Variants in TSPAN3 observed in about 807,000 individuals in gnomAD.
TSPAN3 encodes the protein tetraspanin-3.
Under a neutral mutation model 31.1 loss-of-function variants are expected in TSPAN3, and 9 were observed. That is an observed-to-expected ratio of 0.29 (90% CI 0.17 to 0.50). The LOEUF (loss-of-function observed/expected upper bound fraction) is 0.50, where lower values mean the gene tolerates loss of function less well. Ranked by LOEUF, TSPAN3 falls within the 20% of genes least tolerant of loss-of-function variation. The pLI is 0.98. For missense variants in TSPAN3, 252 were observed against 313.5 expected, an observed-to-expected ratio of 0.80 and a Z score of 1.48; for synonymous variants, 129 against 114.3, an observed-to-expected ratio of 1.13 and a Z score of -0.82.
At chr15:77,057,208 A>G (rs1009721500) in intron 1 of TSPAN3, among the ~76,000 whole-genome samples, 1 of 152,248 alleles carries the variant, frequency 6.6e-6, no homozygotes, top group Admixed American at 6.5e-5. Flanking sequence ...TATACAAACA[A>G]GCAAATGCAG....
rs1166697221 is a variant in TSPAN3 at position 77,046,523 on chromosome 15, T to C, written c.*312A>G. 1 of 454,358 alleles carries C rather than the reference T, an allele frequency of 2.2e-6. No individual in the cohort carries two copies. The highest frequency in any genetic ancestry group is 3.8e-5 in the Admixed American group (1 of 26,222). 28.1% of individuals were successfully genotyped at this position (454,358 alleles called of 1,614,324 possible). ...TTTCGGCATCAGTCCTGTTACCACTTGGAGGTAACAGAAGCAGGCTCGTGT... is the reference window on the plus strand; with the variant it reads ...TTTCGGCATCAGTCCTGTTACCACTCGGAGGTAACAGAAGCAGGCTCGTGT... On this transcript the variant is annotated 3_prime_UTR_variant, in exon 7 of 7. Transcript: ENST00000267970.
At chr15:77,047,026 G>T in intron 6 of TSPAN3, 99 bp from the exon 7 acceptor site, 1 of 893,292 alleles carries the variant, frequency 1.1e-6, no homozygotes, top group Non-Finnish European at 1.7e-6. Context: ...AAAGTTCAAT[G>T]ACTTCAAATC....
chr15:77,058,233 GC>G (rs1358764518), intron 1 of TSPAN3, among the ~76,000 whole-genome samples: 3 of 152,144 alleles, frequency 2.0e-5, no homozygotes, highest in African/African-American at 7.2e-5. Context: ...TCAAGCCATA[GC>G]CTTACTTAAA....
Position 77,051,230 on chromosome 15 carries a change from A to AGCCT in TSPAN3, c.669+1154_669+1155insAGGC, listed in dbSNP as rs1424224290. Among the ~76,000 whole-genome samples, 6 of 152,226 alleles carry AGCCT rather than the reference A, an allele frequency of 3.9e-5. No individual in the cohort carries two copies. The East Asian group carries it at 9.7e-4, about 25-fold the overall frequency. ...GCTCTTGAAATAGGTTTCAGGCTTA[A>AGCCT]GAAAGCATAAGCTGAGGCTGGGCGC... On this transcript the variant is annotated intron_variant, in intron 6 of 6. Coordinates refer to ENST00000267970, the MANE Select transcript of TSPAN3 (RefSeq NM_005724.6).
At chr15:77,070,133 A>G (rs995772814) in intron 1 of TSPAN3, 1 of 152,242 alleles carries the variant, frequency 6.6e-6, no homozygotes, top group Non-Finnish European at 1.5e-5. Context: ...ACCCAAACTA[A>G]GATGACATAA....
At chr15:77,063,647 A>C (rs914949585) in intron 1 of TSPAN3, 1 of 152,198 alleles carries the variant, frequency 6.6e-6, no homozygotes, top group Admixed American at 6.5e-5. Flanking sequence ...ATGCTCCTCA[A>C]TTCTGCCTTA....
chr15:77,071,014 G>T lies in TSPAN3; in HGVS notation c.-60C>A. On this transcript the variant is annotated 5_prime_UTR_variant, in exon 1 of 7. Coordinates refer to ENST00000267970, the MANE Select transcript of TSPAN3 (RefSeq NM_005724.6). ...GCGGGGCTGCGCTCACCGAGAGAGC[G>T]GCAATGGCGGCGGCGCCTCCTCGCT... 8.0e-7 allele frequency: 1 copy of T among 1,245,380 alleles called. No individual in the cohort carries two copies. The allele number at this position is 1,245,380 out of a possible 1,614,324, so 77.1% of individuals were successfully genotyped here.
intron 6 of TSPAN3, among the ~76,000 whole-genome samples, chr15:77,050,394 A>C (rs1478748605): frequency 6.6e-6 from 1 of 152,196 alleles, no homozygotes; most frequent in Non-Finnish European, 1.5e-5. Context: ...GCTTTTACTT[A>C]AGTCAGGGTG....
intron 1 of TSPAN3, among the ~76,000 whole-genome samples, chr15:77,068,621 GCTTACTAGCTGACAA>G: frequency 6.6e-6 from 1 of 152,274 alleles, no homozygotes; most frequent in Non-Finnish European, 1.5e-5. Flanking sequence ...CTCTTAGGTA[GCTTACTAGCTGACAA>G]CGTGTTTCTC....
intron 1 of TSPAN3, among the ~76,000 whole-genome samples, chr15:77,062,178 G>A (rs1460343711): frequency 7.2e-5 from 11 of 152,230 alleles, no homozygotes; most frequent in Admixed American, 3.9e-4. Flanking sequence ...GGGAAGAATC[G>A]TTGGTAATTC....
intron 4 of TSPAN3, among the ~76,000 whole-genome samples, chr15:77,053,528 T>C (rs1456869940): frequency 7.0e-6 from 1 of 143,858 alleles, no homozygotes; most frequent in African/African-American, 2.6e-5. Context: ...AAGCGGTAGT[T>C]TCTAACTAAG....
At chr15:77,068,294 A>T (rs1444820185) in intron 1 of TSPAN3, 1 of 152,220 alleles carries the variant, frequency 6.6e-6, no homozygotes, top group Admixed American at 6.5e-5. Context: ...TTTACTAAAC[A>T]TTACCACTTC....
chr15:77,059,917 T>C (rs1044570598), intron 1 of TSPAN3, among the ~76,000 whole-genome samples: 2 of 152,118 alleles, frequency 1.3e-5, no homozygotes, highest in Non-Finnish European at 2.9e-5. Flanking sequence ...AAGGGAAATG[T>C]TTCCTCTGCT....
Position 77,046,442 on chromosome 15 carries a change from G to T in TSPAN3, c.*393C>A, listed in dbSNP as rs8032. ...GAAAGCTGGTTTCCTCCTCCTCCCCGCAAAAACCTTTGGCCAAGAGTTCTC... is the reference window on the plus strand; with the variant it reads ...GAAAGCTGGTTTCCTCCTCCTCCCCTCAAAAACCTTTGGCCAAGAGTTCTC... On this transcript the variant is annotated 3_prime_UTR_variant, in exon 7 of 7. Coordinates refer to ENST00000267970, the MANE Select transcript of TSPAN3 (RefSeq NM_005724.6). 2 of 404,444 alleles carry T rather than the reference G, an allele frequency of 4.9e-6. No individual in the cohort carries two copies. The highest frequency in any genetic ancestry group is 4.4e-6 in the Non-Finnish European group (1 of 229,194). 25.1% of individuals were successfully genotyped at this position (404,444 alleles called of 1,614,324 possible).
chr15:77,052,471 G>T lies in TSPAN3; in HGVS notation c.586-3C>A. On this transcript the variant is annotated splice_region_variant and splice_polypyrimidine_tract_variant and intron_variant, in intron 5 of 6. Coordinates refer to ENST00000267970, the MANE Select transcript of TSPAN3 (RefSeq NM_005724.6). ...TTCACTACTAGAGCCTCACACCCCTGTAACAAACACAGTCATCCTCGTTAG... is the reference window on the plus strand; with the variant it reads ...TTCACTACTAGAGCCTCACACCCCTTTAACAAACACAGTCATCCTCGTTAG... The T allele has an allele frequency of 5.6e-6, 9 of 1,613,106 alleles. No homozygotes were observed. The highest frequency in any genetic ancestry group is 6.8e-6 in the Non-Finnish European group (8 of 1,179,106).
intron 1 of TSPAN3, among the ~76,000 whole-genome samples, chr15:77,056,878 G>C (rs1176008244): frequency 6.6e-6 from 1 of 152,166 alleles, no homozygotes; most frequent in East Asian, 1.9e-4. Context: ...CTCAAACTTT[G>C]AAGTGAATAG....
rs2076666319 is a variant in TSPAN3, at chr15:77,042,596, G to C, written c.*4239C>G. 6.6e-6 allele frequency: 1 copy of C among 152,026 alleles called. No individual in the cohort carries two copies. Among genetic ancestry groups the C allele is most frequent in the Admixed American group, 6.6e-5 (1 of 15,262 alleles). The allele number at this position is 152,026 out of a possible 1,614,324, so 9.4% of individuals were successfully genotyped here. A position where few individuals can be genotyped will look rare whatever the true frequency, so the allele number is the denominator to read the frequency against. ...AAGGTCAATGATGAAGTCGACTTTT[G>C]AAAAAATGGGAATCCATAGTGGATA... On this transcript the variant is annotated 3_prime_UTR_variant, in exon 7 of 7. Transcript: ENST00000267970.
At chr15:77,070,481 C>A (rs1416732232) in intron 1 of TSPAN3, among the ~76,000 whole-genome samples, 1 of 151,990 alleles carries the variant, frequency 6.6e-6, no homozygotes, top group Non-Finnish European at 1.5e-5. Flanking sequence ...TGCGAGGCCC[C>A]GACAAAGAGC....
intron 6 of TSPAN3, among the ~76,000 whole-genome samples, chr15:77,049,205 G>A (rs2076712878): frequency 6.6e-6 from 1 of 152,184 alleles, no homozygotes; most frequent in African/African-American, 2.4e-5. Flanking sequence ...GTGAGGGGAA[G>A]GAGGAGGAAG....
Sources: allele counts gnomAD v4.1 joint callset (sites outside exome capture counted in the v4.1 genomes callset), GRCh38; gene constraint gnomAD v4.1.1; transcripts MANE v1.5; gene names NCBI Gene and HGNC (gene_info 2026-07-23, HGNC 2026-07-21).